The following TENM4 variants were observed in gnomAD, a reference collection of about 807,000 sequenced individuals.
TENM4 encodes the protein teneurin transmembrane protein 4.
In TENM4, 82 loss-of-function variants were observed where a neutral mutation model predicts 243.3. The observed-to-expected ratio is 0.34, with a 90% CI of 0.28 to 0.40. The LOEUF is 0.40. Among genes scored for constraint, TENM4 ranks in the 10% least tolerant of loss-of-function variants. TENM4 has a pLI of 1.00. For synonymous variants in TENM4, 1,412 were observed against 1,456.3 expected (o/e 0.97, Z 0.69); for missense variants, 3,138 against 3,673.3 (o/e 0.85, Z 3.77).
At chr11:79,218,575 C>T (rs1364421301) in intron 2 of TENM4, among the ~76,000 whole-genome samples, 1 of 152,152 alleles carries the variant, frequency 6.6e-6, no homozygotes, top group Non-Finnish European at 1.5e-5. Flanking sequence ...GGCTTCTCAC[C>T]TGTGCCTTAT....
intron 10 of TENM4, among the ~76,000 whole-genome samples, chr11:78,860,811 C>T (rs1291679802): frequency 6.6e-6 from 1 of 152,184 alleles, no homozygotes; most frequent in Non-Finnish European, 1.5e-5. Context: ...TTTCCATTTG[C>T]ATCAGTAATG....
intron 7 of TENM4, among the ~76,000 whole-genome samples, chr11:78,895,128 G>A (rs1050797102): frequency 2.0e-5 from 3 of 151,906 alleles, no homozygotes; most frequent in Non-Finnish European, 4.4e-5. Flanking sequence ...TGGATCATGA[G>A]GTCAGGAGAT....
At position 78,726,190 on chromosome 11, in the gene TENM4, C is replaced by G. The variant is rs375607076; in HGVS notation, c.3439G>C (p.Asp1147His). The G allele has an allele frequency of 1.2e-6, 2 of 1,613,982 alleles. No homozygotes were observed. Among genetic ancestry groups the G allele is most frequent in the Middle Eastern group, 3.3e-4 (2 of 6,062 alleles). Residue 1147 changes from aspartate to histidine, a missense_variant, in exon 23 of 34, where the codon GAT (aspartate) becomes CAT (histidine). By Grantham distance (81) the Asp-to-His change is moderately conservative (BLOSUM62 -1). Transcript: ENST00000278550. ...GTTCTTTTTTCCCACAGGATTAGATCTGGGCAGGATTCATATTCATAACCC... is the reference window on the plus strand; with the variant it reads ...GTTCTTTTTTCCCACAGGATTAGATGTGGGCAGGATTCATATTCATAACCC... ...SVGYEYESCP[D>H]LILWEKRTTV...
intron 2 of TENM4, among the ~76,000 whole-genome samples, chr11:79,280,870 A>G (rs1471867627): frequency 6.6e-6 from 1 of 152,204 alleles, no homozygotes; most frequent in Non-Finnish European, 1.5e-5. Context: ...GGGAAGCCCA[A>G]ACTAATTAAT....
intron 6 of TENM4, among the ~76,000 whole-genome samples, chr11:78,928,230 A>G (rs1856592737): frequency 6.6e-6 from 1 of 152,146 alleles, no homozygotes; most frequent in African/African-American, 2.4e-5. Flanking sequence ...TGTGCCCTGG[A>G]GCAGTTTCCT....
In TENM4 at chr11:78,903,493, C is replaced by T. The variant is rs1419899092; in HGVS notation, c.524G>A (p.Arg175Gln). The change falls in exon 7 of 34, where the codon CGG becomes CAG. Residue 175 changes from arginine to glutamine, a missense_variant. This residue lies in a region of TENM4 where 671 missense variants were observed against 614.1 expected (regional missense o/e 1.09). Transcript: ENST00000278550. Reference protein sequence around the residue: ...DHPGGLQNHARLRTPPPPLSH... With the variant: ...DHPGGLQNHAQLRTPPPPLSH... Reference sequence around the variant, plus strand: ...GAGCGGCGGCGGCGGCGTCCGGAGCCGCGCGTGGTTCTGCAGGCCGCCCGG... The same window carrying T: ...GAGCGGCGGCGGCGGCGTCCGGAGCTGCGCGTGGTTCTGCAGGCCGCCCGG... 5 of 1,547,308 alleles carry T rather than the reference C, an allele frequency of 3.2e-6. No individual in the cohort carries two copies. The highest frequency in any genetic ancestry group is 2.4e-5 in the East Asian group (1 of 40,884).
intron 6 of TENM4, among the ~76,000 whole-genome samples, chr11:79,048,590 C>T (rs541748523): frequency 5.3e-5 from 8 of 152,166 alleles, no homozygotes; most frequent in African/African-American, 7.2e-5. Flanking sequence ...AGTCTGTGAT[C>T]GTGTCTTGGT....
intron 6 of TENM4, among the ~76,000 whole-genome samples, chr11:78,946,566 T>C (rs1425656695): frequency 2.0e-5 from 3 of 152,258 alleles, no homozygotes; most frequent in African/African-American, 7.2e-5. Context: ...TCAAATCGTA[T>C]TGTTTAAGAA....
chr11:79,405,064 G>A (rs1187933815), intron 1 of TENM4, among the ~76,000 whole-genome samples: 1 of 152,122 alleles, frequency 6.6e-6, no homozygotes, highest in Non-Finnish European at 1.5e-5. Context: ...CAGGCAGAGG[G>A]GAGGAACTTC....
rs1242261645 is a variant in TENM4 at position 78,657,867 on chromosome 11, C to CAA, written c.*189_*190dup. Reference sequence around the variant, plus strand: ...AGAAAAAAATACCTTCTGTTCTTTGCAAAAAATGTGCGAAGGCCAAATCTG... The same window carrying CAA: ...AGAAAAAAATACCTTCTGTTCTTTGCAAAAAAAATGTGCGAAGGCCAAATCTG... On this transcript the variant is annotated 3_prime_UTR_variant, in exon 34 of 34. Coordinates refer to ENST00000278550, the MANE Select transcript of TENM4 (RefSeq NM_001098816.3). 3.6e-6 allele frequency: 3 copies of CAA among 843,150 alleles called. No homozygotes were observed. The highest frequency in any genetic ancestry group is 5.7e-6 in the Non-Finnish European group (3 of 525,632). 52.2% of individuals were successfully genotyped at this position (843,150 alleles called of 1,614,324 possible). A position where few individuals can be genotyped will look rare whatever the true frequency, so the allele number is the denominator to read the frequency against.
intron 9 of TENM4, among the ~76,000 whole-genome samples, chr11:78,880,154 C>A (rs1476307242): frequency 1.3e-5 from 2 of 152,060 alleles, no homozygotes; most frequent in African/African-American, 4.8e-5. Flanking sequence ...ATAACCTTAC[C>A]CCCAACCCCG....
chr11:79,368,280 AGTGAAACCAC>A (rs1414201348), intron 1 of TENM4, among the ~76,000 whole-genome samples: 1 of 152,242 alleles, frequency 6.6e-6, no homozygotes, highest in African/African-American at 2.4e-5. Context: ...TAAGCCAGCA[AGTGAAACCAC>A]GTAGCTTAAA....
At chr11:78,818,543 CT>C in intron 12 of TENM4, among the ~76,000 whole-genome samples, 1 of 152,268 alleles carries the variant, frequency 6.6e-6, no homozygotes, top group South Asian at 2.1e-4. Flanking sequence ...AGAATATTTT[CT>C]TTTGATAAAA....
chr11:79,036,195 G>A (rs934663860), intron 6 of TENM4, among the ~76,000 whole-genome samples: 1 of 152,204 alleles, frequency 6.6e-6, no homozygotes, highest in African/African-American at 2.4e-5. Context: ...AGCTTATGCT[G>A]TAGGTTCCCT....
chr11:78,812,580 G>A (rs924975962), intron 13 of TENM4, among the ~76,000 whole-genome samples: 5 of 152,176 alleles, frequency 3.3e-5, no homozygotes, highest in African/African-American at 1.2e-4. Context: ...GTTGCTGATG[G>A]GGTACAGTGG....
At chr11:79,135,104 G>C (rs1182850078) in intron 4 of TENM4, among the ~76,000 whole-genome samples, 1 of 151,996 alleles carries the variant, frequency 6.6e-6, no homozygotes, top group African/African-American at 2.4e-5. Context: ...ACCTGACAAA[G>C]GACTAATATC....
intron 2 of TENM4, among the ~76,000 whole-genome samples, chr11:79,280,833 G>A (rs1856145134): frequency 6.6e-6 from 1 of 152,340 alleles, no homozygotes; most frequent in East Asian, 1.9e-4. Context: ...GTGGGAGCAG[G>A]AGCTGTGGGC....
intron 2 of TENM4, among the ~76,000 whole-genome samples, chr11:79,294,540 G>A (rs1856413511): frequency 6.6e-6 from 1 of 152,086 alleles, no homozygotes; most frequent in Admixed American, 6.5e-5. Context: ...ATGTGAGTAG[G>A]CTCGTTCAGT....
intron 4 of TENM4, among the ~76,000 whole-genome samples, chr11:79,145,764 G>A (rs1388856607): frequency 6.6e-6 from 1 of 151,974 alleles, no homozygotes; most frequent in Non-Finnish European, 1.5e-5. Flanking sequence ...GTAAGTTTCG[G>A]TTGTTTCACA....
Sources: allele counts gnomAD v4.1 joint callset (sites outside exome capture counted in the v4.1 genomes callset), GRCh38; gene constraint gnomAD v4.1.1; regional missense constraint gnomAD v4.1.1; transcripts MANE v1.5; gene names NCBI Gene and HGNC (gene_info 2026-07-23, HGNC 2026-07-21).